The following PTPRZ1 variants were observed in gnomAD, a reference collection of about 807,000 sequenced individuals.
The protein encoded by PTPRZ1 is protein tyrosine phosphatase receptor type Z1.
Under a neutral mutation model 214.1 loss-of-function variants are expected in PTPRZ1, and 82 were observed. The observed-to-expected ratio is 0.38, with a 90% confidence interval of 0.32 to 0.46. The LOEUF (loss-of-function observed/expected upper bound fraction) is 0.46. Ranked by LOEUF, PTPRZ1 falls within the 20% of genes least tolerant of loss-of-function variation. The pLI, the probability that PTPRZ1 is intolerant of heterozygous loss-of-function variation, is 1.00. For synonymous variants in PTPRZ1, 945 were observed against 987.9 expected (o/e 0.96, Z 0.81); for missense variants, 2,603 against 2,748.7 (o/e 0.95, Z 1.19).
intron 14 of PTPRZ1, 52 bp from the exon 15 acceptor site, chr7:122,031,422 C>A: frequency 7.9e-7 from 1 of 1,266,056 alleles, no homozygotes; most frequent in East Asian, 2.4e-5. Context: ...GTGATAGGTA[C>A]GTTTATTTCT....
intron 2 of PTPRZ1, among the ~76,000 whole-genome samples, chr7:121,931,390 T>C (rs574044253): frequency 2.9e-4 from 44 of 152,252 alleles, no homozygotes; most frequent in Admixed American, 5.2e-4. Context: ...AACAGAGAAC[T>C]CAGATATTTA....
chr7:122,030,595 T>G (rs1799341775), intron 14 of PTPRZ1, among the ~76,000 whole-genome samples: 1 of 151,356 alleles, frequency 6.6e-6, no homozygotes, highest in African/African-American at 2.4e-5. Flanking sequence ...TGGATTCCAG[T>G]TTTTTTTTAT....
At chr7:122,053,124 T>A (rs760300402) in intron 25 of PTPRZ1, among the ~76,000 whole-genome samples, 2 of 152,058 alleles carry the variant, frequency 1.3e-5, no homozygotes, top group Non-Finnish European at 2.9e-5. Context: ...GGAGGCCACA[T>A]GCATAGAGCT....
intron 2 of PTPRZ1, among the ~76,000 whole-genome samples, chr7:121,933,559 C>G (rs1795987691): frequency 6.6e-6 from 1 of 152,090 alleles, no homozygotes; most frequent in Admixed American, 6.6e-5. Flanking sequence ...TTATACCTCG[C>G]TGGATATGCT....
At position 122,040,834 on chromosome 7, in the gene PTPRZ1, C is replaced by T; in HGVS notation, c.5656C>T (p.Pro1886Ser). ...TTTCCAGGGCTCCCAGAAAGGAAGA[C>T]CCAGTGGACGTGTGGTCACACAGTA... ...KIKKGSQKGR[P>S]SGRVVTQYHY... is the part of the protein sequence containing the mutation. The change falls in exon 21 of 30, where the codon CCC becomes TCC. Residue 1886 changes from proline (P) to serine (S), a missense_variant. Physicochemically the swap from Pro to Ser is moderately conservative, Grantham distance 74. Around this residue, in one of 6 missense-constraint regions of PTPRZ1, gnomAD observed 1,913 missense variants for 1,914.3 expected, o/e 1.00. Transcript: ENST00000393386. The T allele has an allele frequency of 1.9e-6, 3 of 1,570,416 alleles. No individual in the cohort carries two copies. The highest frequency in any genetic ancestry group is 2.6e-6 in the Non-Finnish European group (3 of 1,153,550).
intron 12 of PTPRZ1, among the ~76,000 whole-genome samples, chr7:122,017,198 C>T (rs1377347752): frequency 1.3e-5 from 2 of 152,056 alleles, no homozygotes; most frequent in East Asian, 3.8e-4. Flanking sequence ...GTGAAGACAA[C>T]CATGTATAAA....
At chr7:121,974,862 G>A (rs764410482) in intron 4 of PTPRZ1, among the ~76,000 whole-genome samples, 1 of 151,906 alleles carries the variant, frequency 6.6e-6, no homozygotes, top group African/African-American at 2.4e-5. Flanking sequence ...GGCTTGCTCC[G>A]TATTTCTTAT....
intron 1 of PTPRZ1, among the ~76,000 whole-genome samples, chr7:121,879,691 TAGGAGTCAAA>T (rs886375162): frequency 6.6e-6 from 1 of 152,180 alleles, no homozygotes; most frequent in Non-Finnish European, 1.5e-5. Flanking sequence ...AAAATCTTCA[TAGGAGTCAAA>T]AGCAGAAAAA....
At chr7:121,997,189 A>C (rs947893907) in intron 9 of PTPRZ1, among the ~76,000 whole-genome samples, 3 of 152,190 alleles carry the variant, frequency 2.0e-5, no homozygotes, top group Admixed American at 2.0e-4. Context: ...GGTGTAGTTG[A>C]CAAACCTTCA....
At position 122,013,228 on chromosome 7, in the gene PTPRZ1, T is replaced by G; in HGVS notation, c.4182T>G (p.Phe1394Leu). ...DGSVTSTKLL[F>L]PSKATSELSH... is the part of the protein sequence containing the mutation. Reference sequence around the variant, plus strand: ...CTGTAACCTCAACAAAGTTGCTGTTTCCTTCTAAGGCAACTTCTGAGCTGA... The same window carrying G: ...CTGTAACCTCAACAAAGTTGCTGTTGCCTTCTAAGGCAACTTCTGAGCTGA... Residue 1394 changes from phenylalanine (F) to leucine (L), a missense_variant, in exon 12 of 30, where the codon TTT (phenylalanine) becomes TTG (leucine). Coordinates refer to ENST00000393386, the MANE Select transcript of PTPRZ1 (RefSeq NM_002851.3). 6.2e-7 allele frequency: 1 copy of G among 1,614,180 alleles called. No homozygotes were observed. Among genetic ancestry groups the G allele is most frequent in the East Asian group, 2.2e-5 (1 of 44,878 alleles).
chr7:121,961,899 CTT>C (rs1563039049), intron 2 of PTPRZ1, among the ~76,000 whole-genome samples: 1 of 152,138 alleles, frequency 6.6e-6, no homozygotes, highest in Non-Finnish European at 1.5e-5. Context: ...AAATGAATAA[CTT>C]AGGTTAATTC....
chr7:122,019,393 C>A, intron 13 of PTPRZ1, 125 bp downstream of exon 13: 1 of 982,200 alleles, frequency 1.0e-6, no homozygotes, highest in Non-Finnish European at 1.5e-6. Flanking sequence ...TTAATTTATT[C>A]AAGGTAAATT....
chr7:121,997,219 A>T (rs906436950), intron 9 of PTPRZ1, among the ~76,000 whole-genome samples: 1 of 152,180 alleles, frequency 6.6e-6, no homozygotes, highest in Non-Finnish European at 1.5e-5. Flanking sequence ...AGGTCCAGAA[A>T]GTCCCCACTG....
intron 2 of PTPRZ1, among the ~76,000 whole-genome samples, chr7:121,936,246 CAA>C (rs1278621044): frequency 6.6e-6 from 1 of 152,110 alleles, no homozygotes; most frequent in Non-Finnish European, 1.5e-5. Context: ...ATTATTCAGA[CAA>C]ATTTTTATTA....
intron 1 of PTPRZ1, among the ~76,000 whole-genome samples, chr7:121,889,566 T>C (rs755335549): frequency 1.3e-5 from 2 of 152,214 alleles, no homozygotes; most frequent in Non-Finnish European, 2.9e-5. Flanking sequence ...TTTCTTAACA[T>C]GCTATTATTT....
At chr7:121,983,582 A>T in intron 6 of PTPRZ1, 83 bp from the exon 7 acceptor site, 1 of 1,241,858 alleles carries the variant, frequency 8.1e-7, no homozygotes, top group Non-Finnish European at 1.1e-6. Context: ...ATAACAAAGC[A>T]TGTGTCTCTG....
intron 1 of PTPRZ1, among the ~76,000 whole-genome samples, chr7:121,892,681 T>TATATATAC (rs1794673889): frequency 6.0e-5 from 1 of 16,756 alleles, no homozygotes; most frequent in Non-Finnish European, 1.0e-4. Context: ...AAGCATCTCA[T>TATATATAC]ATATATATAT....
intron 20 of PTPRZ1, 50 bp from the exon 21 acceptor site, chr7:122,040,765 TG>T: frequency 9.3e-7 from 1 of 1,070,354 alleles, no homozygotes. Context: ...TGTGTGTGTG[TG>T]TGTGTGTGTG....
At chr7:122,019,346 A>G in intron 13 of PTPRZ1, 78 bp downstream of exon 13, 1 of 1,382,630 alleles carries the variant, frequency 7.2e-7, no homozygotes, top group Non-Finnish European at 1.0e-6. Context: ...AAGGTCTTCA[A>G]AGCATATTCA....
Sources: allele counts gnomAD v4.1 joint callset (sites outside exome capture counted in the v4.1 genomes callset), GRCh38; gene constraint gnomAD v4.1.1; regional missense constraint gnomAD v4.1.1; transcripts MANE v1.5; gene names NCBI Gene and HGNC (gene_info 2026-07-23, HGNC 2026-07-21).